GDAP1: variants seen among roughly 807,000 people sequenced by gnomAD.
The protein encoded by GDAP1 is ganglioside-induced differentiation-associated protein 1.
Under a neutral mutation model 40.1 loss-of-function variants are expected in GDAP1, and 34 were observed. The observed-to-expected ratio is 0.85, with a 90% CI of 0.64 to 1.13. The LOEUF (loss-of-function observed/expected upper bound fraction) is 1.13. GDAP1 is among the 50% of genes most tolerant of loss of function. GDAP1 has a pLI of 0.00. For missense variants in GDAP1, 374 were observed against 433.7 expected (o/e 0.86, Z 1.22); for synonymous variants, 170 against 157.4 (o/e 1.08, Z -0.60).
At chr8:74,433,696 T>C (rs532577091) in intron 2 of GDAP1, among the ~76,000 whole-genome samples, 1 of 152,356 alleles carries the variant, frequency 6.6e-6, no homozygotes, top group East Asian at 1.9e-4. Flanking sequence ...GAGAGAGTTC[T>C]GGCATTTCCT....
intron 2 of GDAP1, among the ~76,000 whole-genome samples, chr8:74,483,008 G>A (rs573882667): frequency 1.4e-4 from 21 of 152,226 alleles, no homozygotes; most frequent in Admixed American, 9.8e-4. Flanking sequence ...ACTTGAATAA[G>A]TTACTTAACT....
At chr8:74,384,136 A>G (rs1809992786) in intron 2 of GDAP1, among the ~76,000 whole-genome samples, 1 of 152,194 alleles carries the variant, frequency 6.6e-6, no homozygotes. Context: ...TGTTTATTTT[A>G]AAAACAATTT....
At chr8:74,352,627 C>T (rs563956131) in intron 2 of GDAP1, among the ~76,000 whole-genome samples, 5 of 152,332 alleles carry the variant, frequency 3.3e-5, no homozygotes, top group Admixed American at 6.5e-5. Context: ...TTGTGATTGG[C>T]GGTTTTAATT....
chr8:74,358,055 GAA>G (rs1367392957), intron 2 of GDAP1, among the ~76,000 whole-genome samples: 8 of 152,206 alleles, frequency 5.3e-5, no homozygotes, highest in Admixed American at 1.3e-4. Flanking sequence ...TGCGCACAAA[GAA>G]AGAGAGATGG....
intron 2 of GDAP1, among the ~76,000 whole-genome samples, chr8:74,463,285 G>T (rs4573265): frequency 1 from 142,023 of 142,102 alleles, 70,972 homozygotes; most frequent in Non-Finnish European, 1. Flanking sequence ...GACCCCATAT[G>T]TATTAAAAAA....
intron 2 of GDAP1, among the ~76,000 whole-genome samples, chr8:74,400,249 A>G (rs957105801): frequency 2.7e-5 from 4 of 149,886 alleles, no homozygotes; most frequent in African/African-American, 7.6e-5. Flanking sequence ...TTGGGTACAT[A>G]TATATTTAGG....
chr8:74,425,441 C>T (rs886546685), intron 2 of GDAP1, among the ~76,000 whole-genome samples: 4 of 152,050 alleles, frequency 2.6e-5, no homozygotes, highest in African/African-American at 9.7e-5. Context: ...TTTTTAAAAC[C>T]AGACATTAAA....
At chr8:74,428,812 A>G (rs1336701684) in intron 2 of GDAP1, among the ~76,000 whole-genome samples, 1 of 151,254 alleles carries the variant, frequency 6.6e-6, no homozygotes, top group East Asian at 1.9e-4. Flanking sequence ...GAAAGCTACA[A>G]ATAAATAAAA....
At position 74,469,498 on chromosome 8, in the gene GDAP1, C is replaced by A. The variant is rs201725518; in HGVS notation, c.166-19180C>A. On this transcript the variant is annotated intron_variant, in intron 2 of 2. Coordinates refer to the GDAP1 transcript ENST00000523640. ...CTTGGCTAACACGATGAAACCCCGT[C>A]TCTACTAAAAATACAAAAAATTAGC... Among the ~76,000 whole-genome samples the A allele has an allele frequency of 7.9e-5, 12 of 151,702 alleles. No homozygotes were observed. In the East Asian group the frequency reaches 2.3e-3, roughly 30 times the overall value.
chr8:74,358,930 T>C (rs775905750), intron 2 of GDAP1, among the ~76,000 whole-genome samples: 1 of 152,232 alleles, frequency 6.6e-6, no homozygotes, highest in Non-Finnish European at 1.5e-5. Context: ...GATATGTTCA[T>C]GGTTAAGTTA....
intron 2 of GDAP1, among the ~76,000 whole-genome samples, chr8:74,400,143 C>T (rs370775989): frequency 3.4e-5 from 5 of 149,112 alleles, no homozygotes; most frequent in Admixed American, 6.6e-5. Flanking sequence ...TAATGTTGAC[C>T]GTGGGGTGTT....
chr8:74,434,482 A>C (rs910440573), intron 2 of GDAP1, among the ~76,000 whole-genome samples: 1 of 152,216 alleles, frequency 6.6e-6, no homozygotes, highest in Non-Finnish European at 1.5e-5. Flanking sequence ...CAGATCTACT[A>C]TACAGAAAAT....
intron 2 of GDAP1, among the ~76,000 whole-genome samples, chr8:74,424,132 G>A (rs926738229): frequency 6.6e-6 from 1 of 151,952 alleles, no homozygotes. Context: ...TCTAACCTAT[G>A]TATATGCTCC....
intron 2 of GDAP1, among the ~76,000 whole-genome samples, chr8:74,407,335 T>G (rs1805653304): frequency 1.3e-5 from 2 of 149,772 alleles, no homozygotes; most frequent in Admixed American, 1.3e-4. Flanking sequence ...GTGAGAGTGT[T>G]GCCAGAGGAA....
At chr8:74,389,738 G>A (rs1342680292) in intron 2 of GDAP1, among the ~76,000 whole-genome samples, 2 of 152,168 alleles carry the variant, frequency 1.3e-5, no homozygotes, top group East Asian at 3.9e-4. Flanking sequence ...CTAGGTTGGG[G>A]AAGTTCTCCT....
chr8:74,413,622 A>G (rs559982120), intron 2 of GDAP1, among the ~76,000 whole-genome samples: 5 of 149,774 alleles, frequency 3.3e-5, no homozygotes, highest in African/African-American at 1.0e-4. Context: ...AGCAGCAGAA[A>G]CAAGGGCCTG....
intron 2 of GDAP1, among the ~76,000 whole-genome samples, chr8:74,396,526 C>G (rs1397127968): frequency 6.6e-6 from 1 of 151,184 alleles, no homozygotes; most frequent in Non-Finnish European, 1.5e-5. Flanking sequence ...CCACAACAGT[C>G]CCCAGAGTGT....
chr8:74,484,141 A>G (rs1010938546), intron 2 of GDAP1, among the ~76,000 whole-genome samples: 16 of 152,212 alleles, frequency 1.1e-4, no homozygotes, highest in African/African-American at 3.9e-4. Flanking sequence ...GAAATTTTGT[A>G]TAGAAGTTGC....
At chr8:74,360,857 G>A (rs1449749851) in intron 3 of GDAP1, among the ~76,000 whole-genome samples, 2 of 152,194 alleles carry the variant, frequency 1.3e-5, no homozygotes. Context: ...AGCAGGAGGT[G>A]TGCTTTATAG....
Sources: gnomAD v4.1 joint callset for allele counts (sites outside exome capture counted in the v4.1 genomes callset) on GRCh38, gnomAD v4.1.1 for gene constraint, MANE v1.5 for transcripts, NCBI Gene and HGNC (gene_info 2026-07-23, HGNC 2026-07-21) for gene names.